The following DMD variants were observed in gnomAD, a reference collection of about 807,000 sequenced individuals.
DMD encodes the protein mutant dystrophin.
Under a neutral mutation model 330.1 loss-of-function variants are expected in DMD, and 63 were observed. The ratio of observed to expected loss-of-function variants is 0.19; its 90% confidence interval spans 0.16 to 0.24. The LOEUF is 0.24. Ranked by LOEUF, DMD falls within the 10% of genes least tolerant of loss-of-function variation. The pLI, the probability that DMD is intolerant of heterozygous loss-of-function variation, is 1.00. For missense variants in DMD, 3,344 were observed against 2,684.1 expected (o/e 1.25, Z -5.43); for synonymous variants, 1,223 against 959.8 (o/e 1.27, Z -5.07).
intron 7 of DMD, among the ~76,000 whole-genome samples, chrX:32,731,590 G>C (rs1225669331): frequency 8.9e-6 from 1 of 112,392 alleles, no homozygotes; most frequent in East Asian, 2.8e-4. Context: ...GCCTCCTCAA[G>C]TGGGTGCCTG....
chrX:32,469,894 C>A (rs2040439330), intron 22 of DMD, among the ~76,000 whole-genome samples: 1 of 110,968 alleles, frequency 9.0e-6, no homozygotes, highest in Non-Finnish European at 1.9e-5. Context: ...TCTCCAGTTC[C>A]ATTTACATCT....
intron 44 of DMD, among the ~76,000 whole-genome samples, chrX:31,991,761 T>TAA (rs35367607): frequency 0.021 from 1,849 of 88,650 alleles, 34 homozygotes; most frequent in African/African-American, 0.044. Flanking sequence ...TTACAGACTT[T>TAA]AAAAAAAAAA....
intron 51 of DMD, among the ~76,000 whole-genome samples, chrX:31,742,216 T>C (rs1030554721): frequency 3.6e-5 from 4 of 112,420 alleles, no homozygotes; most frequent in Non-Finnish European, 7.5e-5. Flanking sequence ...GCCGTTCCAC[T>C]TTCTTATTCC....
chrX:33,066,033 T>TAAGA (rs1382084434), intron 1 of DMD, among the ~76,000 whole-genome samples: 2 of 95,575 alleles, frequency 2.1e-5, no homozygotes, highest in African/African-American at 7.7e-5. Flanking sequence ...TTTTGCTTTA[T>TAAGA]AAGAACATAC....
At chrX:32,762,198 C>T (rs2072410708) in intron 7 of DMD, among the ~76,000 whole-genome samples, 1 of 108,870 alleles carries the variant, frequency 9.2e-6, no homozygotes, top group African/African-American at 3.4e-5. Context: ...ACAAAAAAAC[C>T]CTGAGTCCTG....
At chrX:31,548,167 T>C (rs2074259601) in intron 55 of DMD, among the ~76,000 whole-genome samples, 2 of 111,923 alleles carry the variant, frequency 1.8e-5, no homozygotes, top group African/African-American at 3.2e-5. Context: ...CAATTTCTCA[T>C]TGCCCTGCCC....
At chrX:31,226,218 A>C (rs2046578118) in intron 63 of DMD, among the ~76,000 whole-genome samples, 1 of 112,285 alleles carries the variant, frequency 8.9e-6, no homozygotes, top group African/African-American at 3.2e-5. Context: ...CTTTAAATGA[A>C]TATTTTAATA....
Position 31,549,771 on chromosome X carries a change from A to C in DMD, c.8218-42318T>G, listed in dbSNP as rs189254595. 5.3e-5 allele frequency among the ~76,000 whole-genome samples: 6 copies of C among 112,482 alleles called. No individual in the cohort carries two copies. The East Asian group carries it at 1.7e-3, about 31-fold the overall frequency. ...AAACACAAAACACATTCATAAATTC[A>C]TGCTTATGAAATTATGACTTACAGC... On this transcript the variant is annotated intron_variant, in intron 55 of 78. Transcript: ENST00000357033.
rs770820898 is a variant in DMD, at chrX:33,033,809, G to A, written c.32-13609C>T. On this transcript the variant is annotated intron_variant, in intron 1 of 78. Transcript: ENST00000357033. ...AGGAAAATATAACAGAATTACAAAAGATTTAGACATTGTAGAAAAAATTTG... is the reference window on the plus strand; with the variant it reads ...AGGAAAATATAACAGAATTACAAAAAATTTAGACATTGTAGAAAAAATTTG... Among the ~76,000 whole-genome samples the A allele has an allele frequency of 3.6e-5, 4 of 111,292 alleles. No individual in the cohort carries two copies. In the South Asian group the frequency reaches 1.5e-3, roughly 41 times the overall value.
chrX:32,652,404 G>A (rs1255760831), intron 9 of DMD, among the ~76,000 whole-genome samples: 1 of 106,277 alleles, frequency 9.4e-6, no homozygotes, highest in Non-Finnish European at 1.9e-5. Context: ...TTTTGTCCTT[G>A]CGTTAGCTTG....
At chrX:31,480,655 A>G (rs2068208095) in intron 57 of DMD, among the ~76,000 whole-genome samples, 1 of 105,866 alleles carries the variant, frequency 9.4e-6, no homozygotes, top group Admixed American at 1.0e-4. Flanking sequence ...AATTCAAGTA[A>G]ATTATCATTT....
intron 2 of DMD, among the ~76,000 whole-genome samples, chrX:32,859,459 TCTCACACA>T (rs1435743021): frequency 2.3e-4 from 16 of 69,580 alleles, no homozygotes; most frequent in African/African-American, 7.3e-4. Flanking sequence ...CGAAGCAAGA[TCTCACACA>T]CACACACACA....
At chrX:31,797,111 G>A (rs181090094) in intron 50 of DMD, among the ~76,000 whole-genome samples, 9 of 111,266 alleles carry the variant, frequency 8.1e-5, no homozygotes, top group African/African-American at 1.3e-4. Flanking sequence ...TAAATTTTCC[G>A]TTATGTGCTG....
intron 4 of DMD, among the ~76,000 whole-genome samples, chrX:32,839,037 A>G (rs1174292719): frequency 8.9e-6 from 1 of 112,077 alleles, no homozygotes; most frequent in Non-Finnish European, 1.9e-5. Context: ...GATTTTTAAA[A>G]TAACCTGACT....
chrX:32,154,409 C>T (rs2096820844), intron 44 of DMD, among the ~76,000 whole-genome samples: 1 of 112,157 alleles, frequency 8.9e-6, no homozygotes, highest in South Asian at 3.6e-4. Context: ...TGCAAAATTA[C>T]TTGAACTAAA....
At chrX:32,629,775 T>G (rs1277331115) in intron 11 of DMD, among the ~76,000 whole-genome samples, 1 of 102,989 alleles carries the variant, frequency 9.7e-6, no homozygotes, top group African/African-American at 3.7e-5. Flanking sequence ...ACTGGTTGCA[T>G]AAACAAATAA....
At chrX:32,303,934 G>GT (rs1178676996) in intron 42 of DMD, among the ~76,000 whole-genome samples, 2 of 110,701 alleles carry the variant, frequency 1.8e-5, no homozygotes, top group African/African-American at 6.5e-5. Flanking sequence ...TATTAACTAG[G>GT]TTTTACGGAG....
At chrX:31,414,695 C>T (rs771576911) in intron 60 of DMD, among the ~76,000 whole-genome samples, 7 of 112,188 alleles carry the variant, frequency 6.2e-5, no homozygotes, top group South Asian at 3.7e-4. Context: ...TTTACCTAAA[C>T]GCATCCAAAT....
At chrX:32,625,021 A>T (rs779529464) in intron 11 of DMD, among the ~76,000 whole-genome samples, 59 of 111,605 alleles carry the variant, frequency 5.3e-4, no homozygotes, top group Non-Finnish European at 7.9e-4. Flanking sequence ...AAATACAAAA[A>T]TTAGCCGGGA....
Sources: gnomAD v4.1 joint callset for allele counts (sites outside exome capture counted in the v4.1 genomes callset) on GRCh38, gnomAD v4.1.1 for gene constraint, MANE v1.5 for transcripts, NCBI Gene and HGNC (gene_info 2026-07-23, HGNC 2026-07-21) for gene names.